Variants in EHD3 observed in about 807,000 individuals in gnomAD.
The protein encoded by EHD3 is EH domain-containing protein 3.
Under a neutral mutation model 43.0 loss-of-function variants are expected in EHD3, and 17 were observed. That is an observed-to-expected ratio of 0.40 (90% CI 0.27 to 0.59). The LOEUF (loss-of-function observed/expected upper bound fraction) is 0.59, where lower values mean the gene tolerates loss of function less well. Among genes scored for constraint, EHD3 ranks in the 20% least tolerant of loss-of-function variants. The pLI is 0.49. For synonymous variants in EHD3, 313 were observed against 289.5 expected (o/e 1.08, Z -0.82); for missense variants, 594 against 705.6 (o/e 0.84, Z 1.79).
At chr2:31,265,498 A>T (rs1683932973) in intron 5 of EHD3, among the ~76,000 whole-genome samples, 1 of 152,190 alleles carries the variant, frequency 6.6e-6, no homozygotes, top group Non-Finnish European at 1.5e-5. Flanking sequence ...AAACATTGTA[A>T]TGCAGCACAT....
intron 1 of EHD3, among the ~76,000 whole-genome samples, chr2:31,243,220 G>T (rs1683453747): frequency 6.6e-6 from 1 of 152,112 alleles, no homozygotes; most frequent in Non-Finnish European, 1.5e-5. Flanking sequence ...GGAGGTTGTG[G>T]TGAGCTAAGA....
At position 31,266,235 on chromosome 2, in the gene EHD3, A is replaced by C; in HGVS notation, c.1139A>C (p.Glu380Ala). ...CAGCCGCTGAAGAGCAAGCTGCTGG[A>C]GGTAGTGGACGACATGCTGGCCCAT... Reference protein sequence around the residue: ...KFQPLKSKLLEVVDDMLAHDI... With the variant: ...KFQPLKSKLLAVVDDMLAHDI... The change falls in exon 6 of 6, where the codon GAG (glutamate) becomes GCG (alanine). Residue 380 changes from glutamate (E) to alanine (A), a missense_variant. By Grantham distance (107) the Glu-to-Ala change is moderately radical. Transcript: ENST00000322054. This position sits in a 1 kb window ranked among gnomAD's most constrained non-coding sequence, Gnocchi z 5.1. 6.2e-7 allele frequency: 1 copy of C among 1,614,062 alleles called. No individual in the cohort carries two copies. The highest frequency in any genetic ancestry group is 1.3e-5 in the African/African-American group (1 of 75,028).
chr2:31,238,783 C>T (rs771545275), intron 1 of EHD3, among the ~76,000 whole-genome samples: 1 of 152,164 alleles, frequency 6.6e-6, no homozygotes, highest in Non-Finnish European at 1.5e-5. Context: ...GCTGGCTGCT[C>T]CAGGGGCTGA....
intron 1 of EHD3, among the ~76,000 whole-genome samples, chr2:31,242,816 C>T (rs987537497): frequency 4.6e-5 from 7 of 151,842 alleles, no homozygotes; most frequent in Admixed American, 1.3e-4. Context: ...AAAAATTAGC[C>T]GGGCGTGGTG....
Position 31,234,916 on chromosome 2 carries a change from G to T in EHD3, c.227+68G>T, listed in dbSNP as rs1683295505. 2.0e-6 allele frequency: 3 copies of T among 1,473,170 alleles called. No individual in the cohort carries two copies. In the South Asian group the frequency reaches 3.5e-5, roughly 17 times the overall value. The allele number at this position is 1,473,170 out of a possible 1,614,324, so 91.3% of individuals were successfully genotyped here. On this transcript the variant is annotated intron_variant, in intron 1 of 5. Transcript: ENST00000322054. Reference sequence around the variant, plus strand: ...CGCCTAGTCCCTCCGGTCACTCCTGGTGCTCCATCCCAGACAGGGGACCAA... The same window carrying T: ...CGCCTAGTCCCTCCGGTCACTCCTGTTGCTCCATCCCAGACAGGGGACCAA...
chr2:31,266,503 G>A lies in EHD3; in HGVS notation c.1407G>A (p.Lys469=), dbSNP rs757814503. 17 of 1,614,056 alleles carry A rather than the reference G, an allele frequency of 1.1e-5. No homozygotes were observed. Among genetic ancestry groups the A allele is most frequent in the Non-Finnish European group, 1.3e-5 (15 of 1,180,040 alleles). The change falls in exon 6 of 6, where the codon AAG becomes AAA. Residue 469 remains lysine (K), a synonymous_variant. Coordinates refer to ENST00000322054, the MANE Select transcript of EHD3 (RefSeq NM_014600.3). The surrounding 1 kb of genome is among the most constrained non-coding windows in gnomAD (Gnocchi z 5.1). ...DGKITGANAK[K]EMVRSKLPNS... is the part of the protein sequence containing the mutation. ...AGATCACAGGCGCTAATGCCAAGAA[G>A]GAGATGGTGCGCTCCAAGCTGCCCA...
chr2:31,234,881 C>T (rs757470866), intron 1 of EHD3, 33 bp downstream of exon 1: 1 of 1,604,344 alleles, frequency 6.2e-7, no homozygotes, highest in Admixed American at 1.7e-5. Flanking sequence ...CAGCCCACCC[C>T]GGAGCCCAGC....
At chr2:31,245,527 A>AC (rs1683498642) in intron 2 of EHD3, among the ~76,000 whole-genome samples, 1 of 58,004 alleles carries the variant, frequency 1.7e-5, no homozygotes, top group Non-Finnish European at 3.0e-5. Context: ...CTCTTATCCC[A>AC]AATATATATA....
At chr2:31,247,202 G>A (rs1168244276) in intron 2 of EHD3, among the ~76,000 whole-genome samples, 3 of 152,178 alleles carry the variant, frequency 2.0e-5, no homozygotes, top group East Asian at 3.8e-4. Context: ...GCCTACAGTG[G>A]TTCCATTTAG....
chr2:31,257,543 TCTC>T (rs1314404599), intron 3 of EHD3, among the ~76,000 whole-genome samples: 1 of 152,108 alleles, frequency 6.6e-6, no homozygotes, highest in Non-Finnish European at 1.5e-5. Context: ...TGTTTGACTC[TCTC>T]CTCTCTGAAC....
chr2:31,259,116 AC>A (rs1205561614), intron 3 of EHD3, among the ~76,000 whole-genome samples: 1 of 152,014 alleles, frequency 6.6e-6, no homozygotes, highest in Non-Finnish European at 1.5e-5. Context: ...TCACCTTGGA[AC>A]CCTTGTGCTA....
rs1008583773 is a variant in EHD3 at position 31,234,990 on chromosome 2, C to T, written c.227+142C>T. ...CTGAAGAGATCTGTGTTTGTGCAGG[C>T]GTCAAAATCTTACCCCACAATTTTT... On this transcript the variant is annotated intron_variant, in intron 1 of 5. Transcript: ENST00000322054. 7 of 804,456 alleles carry T rather than the reference C, an allele frequency of 8.7e-6. No homozygotes were observed. Among genetic ancestry groups the T allele is most frequent in the Admixed American group, 5.7e-5 (2 of 34,802 alleles). 49.8% of individuals were successfully genotyped at this position (804,456 alleles called of 1,614,324 possible). A position where few individuals can be genotyped will look rare whatever the true frequency, so the allele number is the denominator to read the frequency against.
rs1310045883 is a variant in EHD3, at chr2:31,243,448, C to CTTTTTT, written c.228-823_228-822insTTTTTT. 3.1e-4 allele frequency among the ~76,000 whole-genome samples: 21 copies of CTTTTTT among 67,062 alleles called. 6 individuals carry two copies. Among genetic ancestry groups the CTTTTTT allele is most frequent in the African/African-American group, 4.4e-4 (7 of 15,926 alleles). The allele number at this position is 67,062 out of a possible 152,430, so 44.0% of individuals were successfully genotyped here. A position where few individuals can be genotyped will look rare whatever the true frequency, so the allele number is the denominator to read the frequency against. On this transcript the variant is annotated intron_variant, in intron 1 of 5. Coordinates refer to ENST00000322054, the MANE Select transcript of EHD3 (RefSeq NM_014600.3). The stretch of plus-strand genomic sequence containing the variant: ...TCTTTCTTTCTTTCTTTCTTTCTTT[C>CTTTTTT]TTTCTTTCTTTCTTTTTTTTTTTTT...
At chr2:31,257,531 A>G (rs1053019224) in intron 3 of EHD3, among the ~76,000 whole-genome samples, 4 of 152,164 alleles carry the variant, frequency 2.6e-5, no homozygotes, top group East Asian at 1.9e-4. Flanking sequence ...CGACTTGCCA[A>G]CTGTTTGACT....
intron 5 of EHD3, among the ~76,000 whole-genome samples, chr2:31,262,757 A>T (rs1374342936): frequency 2.6e-5 from 4 of 152,210 alleles, no homozygotes; most frequent in Admixed American, 6.5e-5. Flanking sequence ...TAATAAAACT[A>T]CAAAAAAATT....
At chr2:31,252,663 CG>C (rs1683660778) in intron 3 of EHD3, among the ~76,000 whole-genome samples, 1 of 152,096 alleles carries the variant, frequency 6.6e-6, no homozygotes, top group Non-Finnish European at 1.5e-5. Flanking sequence ...TTAGTAGAGA[CG>C]GGGTTTCACT....
intron 1 of EHD3, among the ~76,000 whole-genome samples, chr2:31,240,126 G>T (rs541341078): frequency 6.6e-6 from 1 of 152,144 alleles, no homozygotes; most frequent in Non-Finnish European, 1.5e-5. Flanking sequence ...CAACTTGGCC[G>T]TGGAGAGTCT....
chr2:31,266,996 G>T lies in EHD3; in HGVS notation c.*292G>T. The T allele has an allele frequency of 2.6e-6, 1 of 390,446 alleles. No homozygotes were observed. Among genetic ancestry groups the T allele is most frequent in the Non-Finnish European group, 4.6e-6 (1 of 218,914 alleles). 24.2% of individuals were successfully genotyped at this position (390,446 alleles called of 1,614,324 possible). On this transcript the variant is annotated 3_prime_UTR_variant, in exon 6 of 6. Transcript: ENST00000322054. This position sits in a 1 kb window ranked among gnomAD's most constrained non-coding sequence, Gnocchi z 5.1. ...CTCCTCGGCCACTCCCCAGATACCAGACCTGAGGCAATTCACTTGCCAGCA... is the reference window on the plus strand; with the variant it reads ...CTCCTCGGCCACTCCCCAGATACCATACCTGAGGCAATTCACTTGCCAGCA...
In EHD3 at chr2:31,234,411, G is replaced by T; in HGVS notation, c.-211G>T. 1.7e-6 allele frequency: 1 copy of T among 585,788 alleles called. No homozygotes were observed. The highest frequency in any genetic ancestry group is 2.0e-5 in the South Asian group (1 of 49,842). The allele number at this position is 585,788 out of a possible 1,614,324, so 36.3% of individuals were successfully genotyped here. On this transcript the variant is annotated 5_prime_UTR_variant, in exon 1 of 6. Transcript: ENST00000322054. Reference sequence around the variant, plus strand: ...ATCCTCCCTCCGGCCTGGGCTGCTGGATGCAGCAGCGGCTGGGCTTGGTCC... The same window carrying T: ...ATCCTCCCTCCGGCCTGGGCTGCTGTATGCAGCAGCGGCTGGGCTTGGTCC...
Sources: gnomAD v4.1 joint callset for allele counts (sites outside exome capture counted in the v4.1 genomes callset) on GRCh38, gnomAD v4.1.1 for gene constraint, Gnocchi (gnomAD v3.1) non-coding constraint, MANE v1.5 for transcripts, NCBI Gene and HGNC (gene_info 2026-07-23, HGNC 2026-07-21) for gene names.